Variants in SFSWAP observed in about 807,000 individuals in gnomAD.
The protein encoded by SFSWAP is splicing factor SWAP.
Under a neutral mutation model 100.7 loss-of-function variants are expected in SFSWAP, and 17 were observed. The observed-to-expected ratio is 0.17, with a 90% confidence interval of 0.12 to 0.25. SFSWAP has a LOEUF of 0.25. Ranked by LOEUF, SFSWAP falls within the 10% of genes least tolerant of loss-of-function variation. SFSWAP has a pLI of 1.00. For synonymous variants in SFSWAP, 504 were observed against 510.1 expected (o/e 0.99, Z 0.16); for missense variants, 1,005 against 1,262.6 (o/e 0.80, Z 3.09).
chr12:131,768,765 C>T (rs538538110), intron 13 of SFSWAP, among the ~76,000 whole-genome samples: 7 of 152,214 alleles, frequency 4.6e-5, no homozygotes, highest in Non-Finnish European at 8.8e-5. Flanking sequence ...AGAGTCGGGG[C>T]TGCCTCCTGG....
At chr12:131,751,140 G>A (rs1229406925) in intron 7 of SFSWAP, among the ~76,000 whole-genome samples, 2 of 152,162 alleles carry the variant, frequency 1.3e-5, no homozygotes, top group East Asian at 3.8e-4. Context: ...TTCTTTAAAG[G>A]AATGGCGCTC....
intron 7 of SFSWAP, among the ~76,000 whole-genome samples, chr12:131,748,180 C>T (rs950373633): frequency 1.3e-5 from 2 of 151,182 alleles, no homozygotes; most frequent in African/African-American, 4.9e-5. Flanking sequence ...TTCAGAATAT[C>T]TATACTTATC....
intron 13 of SFSWAP, among the ~76,000 whole-genome samples, chr12:131,770,012 C>T (rs1883455568): frequency 6.6e-6 from 1 of 152,166 alleles, no homozygotes; most frequent in African/African-American, 2.4e-5. Flanking sequence ...CAAGCCATTT[C>T]AACAAAAATG....
intron 3 of SFSWAP, among the ~76,000 whole-genome samples, chr12:131,718,279 G>A (rs1878122911): frequency 6.6e-6 from 1 of 152,146 alleles, no homozygotes; most frequent in African/African-American, 2.4e-5. Flanking sequence ...AGCCTTTACT[G>A]TATATGATAG....
intron 7 of SFSWAP, among the ~76,000 whole-genome samples, chr12:131,751,462 C>T (rs933781400): frequency 1.3e-5 from 2 of 152,156 alleles, no homozygotes; most frequent in Admixed American, 6.6e-5. Flanking sequence ...GGGTCAGTTC[C>T]GCCTGGCCCT....
intron 11 of SFSWAP, among the ~76,000 whole-genome samples, chr12:131,763,163 C>T (rs1032521922): frequency 2.6e-5 from 4 of 152,282 alleles, no homozygotes; most frequent in South Asian, 2.1e-4. Flanking sequence ...ACATCACACG[C>T]GGGTTTGGAG....
intron 15 of SFSWAP, among the ~76,000 whole-genome samples, chr12:131,792,595 C>G (rs1885345530): frequency 6.6e-6 from 1 of 151,894 alleles, no homozygotes; most frequent in African/African-American, 2.4e-5. Flanking sequence ...TGTTAACAGA[C>G]CAGTGCTGTG....
Position 131,714,222 on chromosome 12 carries a change from G to C in SFSWAP, c.370G>C (p.Glu124Gln). ...TTTAGCCTTGCATACGGACTTGCTT[G>C]AGGAGGAGGCAAGGCAAGGTACTGC... ...RYLALHTDLLEEEARQEEEYK... is the reference protein window; with the variant it reads ...RYLALHTDLLQEEARQEEEYK... Residue 124 changes from glutamate to glutamine, a missense_variant, in exon 2 of 18, where the codon GAG (glutamate) becomes CAG (glutamine). Glu to Gln is a conservative substitution (Grantham distance 29). Around this residue, in one of 7 missense-constraint regions of SFSWAP, gnomAD observed 237 missense variants for 337.0 expected, o/e 0.70. Coordinates refer to ENST00000261674, the MANE Select transcript of SFSWAP (RefSeq NM_004592.4). The surrounding 1 kb of genome is among the most constrained non-coding windows in gnomAD (Gnocchi z 6.0). 6.2e-7 allele frequency: 1 copy of C among 1,613,232 alleles called. No individual in the cohort carries two copies. Among genetic ancestry groups the C allele is most frequent in the Non-Finnish European group, 8.5e-7 (1 of 1,179,422 alleles).
intron 14 of SFSWAP, chr12:131,783,792 T>TA (rs1884672091): frequency 4.6e-5 from 4 of 86,684 alleles, no homozygotes; most frequent in African/African-American, 1.4e-4. Context: ...AAAAAACATT[T>TA]TATATATATA....
chr12:131,754,806 G>A (rs1454954871), intron 9 of SFSWAP, among the ~76,000 whole-genome samples: 1 of 151,470 alleles, frequency 6.6e-6, no homozygotes, highest in Non-Finnish European at 1.5e-5. Context: ...GTTAATTTTT[G>A]TATTTTGGTA....
Position 131,711,142 on chromosome 12 carries a change from T to C in SFSWAP, c.-88T>C. ...TTGAGGTTGGGTACGGGATGCGGGG[T>C]CTTTGACTGAAGGGGTAGGCCAAGT... On this transcript the variant is annotated 5_prime_UTR_variant, in exon 1 of 18. Transcript: ENST00000261674. The surrounding 1 kb of genome is among the most constrained non-coding windows in gnomAD (Gnocchi z 4.9). The C allele has an allele frequency of 1.9e-6, 2 of 1,080,256 alleles. No individual in the cohort carries two copies. The highest frequency in any genetic ancestry group is 2.6e-6 in the Non-Finnish European group (2 of 769,148). 66.9% of individuals were successfully genotyped at this position (1,080,256 alleles called of 1,614,324 possible). A position where few individuals can be genotyped will look rare whatever the true frequency, so the allele number is the denominator to read the frequency against.
chr12:131,723,123 A>C (rs1878636631), intron 4 of SFSWAP: 1 of 152,114 alleles, frequency 6.6e-6, no homozygotes, highest in Non-Finnish European at 1.5e-5. Context: ...GCTTTATCGA[A>C]TTTGTGCAGA....
intron 9 of SFSWAP, among the ~76,000 whole-genome samples, 171 bp from the exon 10 acceptor site, chr12:131,755,215 G>A (rs953281811): frequency 1.3e-5 from 2 of 152,152 alleles, no homozygotes; most frequent in Non-Finnish European, 2.9e-5. Flanking sequence ...CCCCGGGCAA[G>A]CGATTTCGAC....
chr12:131,724,871 G>A (rs2136187072), intron 4 of SFSWAP, among the ~76,000 whole-genome samples: 1 of 152,344 alleles, frequency 6.6e-6, no homozygotes, highest in South Asian at 2.1e-4. Flanking sequence ...GGGCTGGGGA[G>A]CAGGGCTCAG....
At chr12:131,784,372 A>G (rs1884745166) in intron 14 of SFSWAP, 1 of 152,224 alleles carries the variant, frequency 6.6e-6, no homozygotes. Flanking sequence ...GGCCGTGGGT[A>G]GAGACGTGAA....
intron 15 of SFSWAP, among the ~76,000 whole-genome samples, chr12:131,793,860 G>A (rs35198651): frequency 0.18 from 26,894 of 152,032 alleles, 3,134 homozygotes; most frequent in Non-Finnish European, 0.25. Context: ...TGCAACCAAC[G>A]AGACAGGACT....
At chr12:131,768,541 G>A (rs1219436181) in intron 13 of SFSWAP, among the ~76,000 whole-genome samples, 1 of 152,200 alleles carries the variant, frequency 6.6e-6, no homozygotes, top group Non-Finnish European at 1.5e-5. Context: ...AATTAGAAGA[G>A]CAGAGAAGAT....
At chr12:131,769,848 C>T (rs1274069525) in intron 13 of SFSWAP, among the ~76,000 whole-genome samples, 1 of 152,172 alleles carries the variant, frequency 6.6e-6, no homozygotes, top group Non-Finnish European at 1.5e-5. Flanking sequence ...AAGATGGTCT[C>T]AATCTGTCCT....
intron 3 of SFSWAP, 139 bp from the exon 4 acceptor site, chr12:131,719,315 T>C (rs2136179885): frequency 1.6e-6 from 1 of 629,362 alleles, no homozygotes; most frequent in Non-Finnish European, 2.8e-6. Flanking sequence ...AAGAGAAAGC[T>C]GAAGATGGCT....
Sources: gnomAD v4.1 joint callset for allele counts (sites outside exome capture counted in the v4.1 genomes callset) on GRCh38, gnomAD v4.1.1 for gene constraint, gnomAD v4.1.1 regional missense constraint, Gnocchi (gnomAD v3.1) non-coding constraint, MANE v1.5 for transcripts, NCBI Gene and HGNC (gene_info 2026-07-23, HGNC 2026-07-21) for gene names.